The following PCDHA3 variants were observed in gnomAD, a reference collection of about 807,000 sequenced individuals.
PCDHA3 encodes the protein protocadherin alpha-3.
PCDHA3 carries 41 observed loss-of-function variants against 62.2 expected under a neutral mutation model. That is an observed-to-expected ratio of 0.66 (90% CI 0.51 to 0.86). The LOEUF is 0.86. Ranked by LOEUF, PCDHA3 falls within the 40% of genes least tolerant of loss-of-function variation. PCDHA3 has a pLI of 0.00. For missense variants in PCDHA3, 1,304 were observed against 1,241.2 expected, an observed-to-expected ratio of 1.05 and a Z score of -0.76; for synonymous variants, 640 against 555.4, an observed-to-expected ratio of 1.15 and a Z score of -2.14.
intron 1 of PCDHA3, among the ~76,000 whole-genome samples, chr5:140,953,432 C>T (rs1292809968): frequency 6.6e-6 from 1 of 152,108 alleles, no homozygotes; most frequent in Non-Finnish European, 1.5e-5. Context: ...TGTCCTTAAG[C>T]TGGAGAAACT....
At chr5:140,918,853 C>T (rs1348069562) in intron 1 of PCDHA3, among the ~76,000 whole-genome samples, 4 of 152,134 alleles carry the variant, frequency 2.6e-5, no homozygotes, top group Non-Finnish European at 5.9e-5. Context: ...CTGCTGGTGC[C>T]TGAATCATGA....
chr5:140,873,621 T>C (rs1282269984), intron 1 of PCDHA3, among the ~76,000 whole-genome samples: 2 of 152,186 alleles, frequency 1.3e-5, no homozygotes, highest in African/African-American at 4.8e-5. Flanking sequence ...TAACAATTTG[T>C]TTAGGTCAAA....
At chr5:140,971,034 A>G (rs576529050) in intron 1 of PCDHA3, among the ~76,000 whole-genome samples, 1 of 152,202 alleles carries the variant, frequency 6.6e-6, no homozygotes, top group Non-Finnish European at 1.5e-5. Context: ...ATTTGAAAGC[A>G]CGTAAAAGGG....
At chr5:140,824,610 G>GTTTTTTTTTTTTTCTTTT (rs1768201815) in intron 1 of PCDHA3, 1 of 95,104 alleles carries the variant, frequency 1.1e-5, no homozygotes, top group African/African-American at 4.9e-5. Context: ...GCTAATTAAA[G>GTTTTTTTTTTTTTCTTTT]TTTTTTTTTT....
chr5:140,895,631 C>T (rs1227407918), intron 1 of PCDHA3, among the ~76,000 whole-genome samples: 4 of 152,106 alleles, frequency 2.6e-5, no homozygotes, highest in African/African-American at 9.7e-5. Context: ...TGTCTTTTCA[C>T]ATTCTTTTTT....
intron 1 of PCDHA3, among the ~76,000 whole-genome samples, chr5:140,885,230 T>G (rs2060523657): frequency 6.6e-6 from 1 of 152,166 alleles, no homozygotes; most frequent in Non-Finnish European, 1.5e-5. Flanking sequence ...GTGATTCTGC[T>G]TTCAATTTTT....
rs17844294 is a variant in PCDHA3 at position 140,823,179 on chromosome 5, G to A, written c.2394+19588G>A. On this transcript the variant is annotated intron_variant, in intron 1 of 3. Transcript: ENST00000522353. ...CCGTGTTCGTGAAGGAGAACAACCC[G>A]CCAGGCTGCCACATCTTCACGGTGT... 12 of 1,613,914 alleles carry A rather than the reference G, an allele frequency of 7.4e-6. No individual in the cohort carries two copies. The East Asian group carries it at 1.6e-4, about 21-fold the overall frequency.
At chr5:140,981,537 G>C (rs375537131) in intron 2 of PCDHA3, among the ~76,000 whole-genome samples, 2 of 152,290 alleles carry the variant, frequency 1.3e-5, no homozygotes, top group East Asian at 3.9e-4. Context: ...TCGTGCCACT[G>C]TACTCCAGCC....
At chr5:141,007,535 T>C (rs1588169762) in intron 3 of PCDHA3, among the ~76,000 whole-genome samples, 1 of 152,050 alleles carries the variant, frequency 6.6e-6, no homozygotes, top group South Asian at 2.1e-4. Context: ...GCCACTGCAC[T>C]CCAGCTTGGG....
chr5:140,924,907 AAAAT>A (rs1563068966), intron 1 of PCDHA3, among the ~76,000 whole-genome samples: 53 of 50,956 alleles, frequency 1.0e-3, no homozygotes, highest in African/African-American at 2.1e-3. Flanking sequence ...AAAAAAAAAT[AAAAT>A]AAAATAAAAT....
intron 1 of PCDHA3, among the ~76,000 whole-genome samples, chr5:140,943,121 G>A (rs1225385839): frequency 3.3e-5 from 5 of 151,916 alleles, no homozygotes; most frequent in African/African-American, 4.8e-5. Flanking sequence ...AGCCAGGTGT[G>A]GTAGTGGGTG....
chr5:140,967,293 A>T, intron 1 of PCDHA3: 1 of 1,612,824 alleles, frequency 6.2e-7, no homozygotes. Flanking sequence ...CAGGACCCCG[A>T]CGTGGGCGCC....
chr5:140,900,151 G>A lies in PCDHA3; in HGVS notation c.2395-78798G>A, dbSNP rs114795695. On this transcript the variant is annotated intron_variant, in intron 1 of 3. Coordinates refer to ENST00000522353, the MANE Select transcript of PCDHA3 (RefSeq NM_018906.3). ...GTACCACAAATAAGTAAGAACATAC[G>A]ATATTTGTCTTTCTGTGCCTGGTTT... is the stretch of plus-strand genomic sequence containing the variant. Among the ~76,000 whole-genome samples, 787 of 152,242 alleles carry A rather than the reference G, an allele frequency of 5.2e-3. 9 individuals carry two copies. Among genetic ancestry groups the A allele is most frequent in the African/African-American group, 0.018 (746 of 41,554 alleles).
intron 3 of PCDHA3, among the ~76,000 whole-genome samples, chr5:141,004,757 A>T (rs964370551): frequency 3.9e-5 from 6 of 152,164 alleles, no homozygotes; most frequent in African/African-American, 1.4e-4. Flanking sequence ...TCTCTTAGAG[A>T]CAGGACCTGT....
intron 1 of PCDHA3, among the ~76,000 whole-genome samples, chr5:140,886,192 G>A (rs2060891690): frequency 6.6e-6 from 1 of 152,118 alleles, no homozygotes; most frequent in Non-Finnish European, 1.5e-5. Context: ...CTGGCAAGCA[G>A]TAATCTGTTC....
Position 140,829,775 on chromosome 5 carries a change from G to A in PCDHA3, c.2394+26184G>A, listed in dbSNP as rs1381710258. ...GTTCGTGCTGGACGAGAACGACAAC[G>A]CGCCGGCGCTGCTGGCGCCTCGGGT... On this transcript the variant is annotated intron_variant, in intron 1 of 3. Transcript: ENST00000522353. 6.2e-7 allele frequency: 1 copy of A among 1,613,800 alleles called. No homozygotes were observed. The highest frequency in any genetic ancestry group is 8.5e-7 in the Non-Finnish European group (1 of 1,179,866).
At chr5:140,963,068 G>C (rs1472395054) in intron 1 of PCDHA3, among the ~76,000 whole-genome samples, 3 of 152,064 alleles carry the variant, frequency 2.0e-5, no homozygotes, top group African/African-American at 7.2e-5. Context: ...CATTGTGAAG[G>C]AGACAGAAAT....
intron 1 of PCDHA3, chr5:140,875,283 CAG>C: frequency 7.3e-7 from 1 of 1,362,464 alleles, no homozygotes; most frequent in Non-Finnish European, 9.6e-7. Flanking sequence ...GAAGGTGAAA[CAG>C]GAAAATTTTT....
At chr5:140,930,906 C>T (rs1235701028) in intron 1 of PCDHA3, among the ~76,000 whole-genome samples, 1 of 152,134 alleles carries the variant, frequency 6.6e-6, no homozygotes, top group African/African-American at 2.4e-5. Flanking sequence ...ACTTACTTTT[C>T]TACTTTAGAT....
Sources: gnomAD v4.1 joint callset for allele counts (sites outside exome capture counted in the v4.1 genomes callset) on GRCh38, gnomAD v4.1.1 for gene constraint, MANE v1.5 for transcripts, NCBI Gene and HGNC (gene_info 2026-07-23, HGNC 2026-07-21) for gene names.